TMEM132D: variants seen among roughly 807,000 people sequenced by gnomAD.
The protein encoded by TMEM132D is transmembrane protein 132D.
A neutral mutation model predicts 62.3 loss-of-function variants in TMEM132D; 21 were observed. The ratio of observed to expected loss-of-function variants is 0.34; its 90% CI spans 0.24 to 0.49. The LOEUF is 0.49. Among genes scored for constraint, TMEM132D ranks in the 20% least tolerant of loss-of-function variants. The pLI, the probability that TMEM132D is intolerant of heterozygous loss-of-function variation, is 0.99. For synonymous variants in TMEM132D, 621 were observed against 575.6 expected (o/e 1.08, Z -1.13); for missense variants, 1,346 against 1,402.8 (o/e 0.96, Z 0.65).
chr12:129,217,797 A>G (rs1281593121), intron 4 of TMEM132D, among the ~76,000 whole-genome samples: 1 of 152,252 alleles, frequency 6.6e-6, no homozygotes, highest in African/African-American at 2.4e-5. Flanking sequence ...GATTTGCGTT[A>G]CATATTGAGA....
rs77642078 is a variant in TMEM132D, at chr12:129,445,470, T to G, written c.1115+85589A>C. On this transcript the variant is annotated intron_variant, in intron 3 of 8. Transcript: ENST00000422113. ...ACTCAAAATCAAATTAAGTTAAATT[T>G]TATAAAAAGGTACTAGACTGTAAGC... 1.0e-3 allele frequency among the ~76,000 whole-genome samples: 155 copies of G among 152,270 alleles called. 2 individuals are homozygous for G. In the East Asian group the frequency reaches 0.021, roughly 21 times the overall value.
chr12:129,567,535 T>G (rs1407925002), intron 2 of TMEM132D, among the ~76,000 whole-genome samples: 1 of 152,218 alleles, frequency 6.6e-6, no homozygotes, highest in Non-Finnish European at 1.5e-5. Flanking sequence ...CTAACTATAC[T>G]TCAATAAAAA....
intron 1 of TMEM132D, among the ~76,000 whole-genome samples, chr12:129,792,039 C>T (rs1020000452): frequency 1.3e-5 from 2 of 152,136 alleles, no homozygotes; most frequent in Non-Finnish European, 2.9e-5. Flanking sequence ...TTGGGGGATA[C>T]GTGGATTGAC....
chr12:129,352,727 GTCAGAA>G (rs1333297279), intron 3 of TMEM132D, among the ~76,000 whole-genome samples: 2 of 152,180 alleles, frequency 1.3e-5, no homozygotes, highest in Non-Finnish European at 2.9e-5. Context: ...TCTCATGCCA[GTCAGAA>G]TGGCGATTAT....
At chr12:129,524,757 G>GT (rs1875962162) in intron 3 of TMEM132D, among the ~76,000 whole-genome samples, 1 of 151,542 alleles carries the variant, frequency 6.6e-6, no homozygotes, top group Non-Finnish European at 1.5e-5. Context: ...CCCCAGAAGG[G>GT]TATAAGAGTT....
chr12:129,264,342 T>C (rs2135596988), intron 4 of TMEM132D, among the ~76,000 whole-genome samples: 1 of 152,218 alleles, frequency 6.6e-6, no homozygotes, highest in South Asian at 2.1e-4. Context: ...TGAGCAGAGA[T>C]TGTGCCACTG....
chr12:129,807,492 G>A (rs1309939441), intron 1 of TMEM132D, among the ~76,000 whole-genome samples: 1 of 152,196 alleles, frequency 6.6e-6, no homozygotes, highest in Non-Finnish European at 1.5e-5. Flanking sequence ...TACTAAAATA[G>A]AAATAGGATG....
chr12:129,162,678 C>T (rs986381380), intron 5 of TMEM132D, among the ~76,000 whole-genome samples: 9 of 152,162 alleles, frequency 5.9e-5, no homozygotes, highest in East Asian at 3.9e-4. Flanking sequence ...GGCACCTCCC[C>T]GACTCTCGTT....
At chr12:129,812,159 C>T (rs1872205423) in intron 1 of TMEM132D, among the ~76,000 whole-genome samples, 1 of 151,774 alleles carries the variant, frequency 6.6e-6, no homozygotes, top group African/African-American at 2.4e-5. Flanking sequence ...AATCCTACAA[C>T]CCAAATGCGC....
At chr12:129,385,011 T>G (rs1035239468) in intron 3 of TMEM132D, among the ~76,000 whole-genome samples, 1 of 151,942 alleles carries the variant, frequency 6.6e-6, no homozygotes, top group Middle Eastern at 3.4e-3. Context: ...AATTGTCTAT[T>G]ATAACAAAAC....
At chr12:129,348,020 A>G (rs1305039880) in intron 3 of TMEM132D, among the ~76,000 whole-genome samples, 1 of 152,240 alleles carries the variant, frequency 6.6e-6, no homozygotes, top group Non-Finnish European at 1.5e-5. Flanking sequence ...ATCTCCTGCC[A>G]GTCAGAATGG....
At chr12:129,346,930 C>A (rs74619574) in intron 3 of TMEM132D, among the ~76,000 whole-genome samples, 1 of 152,000 alleles carries the variant, frequency 6.6e-6, no homozygotes, top group Non-Finnish European at 1.5e-5. Flanking sequence ...TGGAGAGAAC[C>A]AAGTCATGAA....
intron 3 of TMEM132D, among the ~76,000 whole-genome samples, chr12:129,502,456 G>A (rs76719395): frequency 1.7e-4 from 26 of 152,198 alleles, no homozygotes; most frequent in East Asian, 5.8e-4. Flanking sequence ...GAAGCCCAGC[G>A]TCAACCAGTT....
At chr12:129,361,290 A>G (rs1870241237) in intron 3 of TMEM132D, among the ~76,000 whole-genome samples, 1 of 152,168 alleles carries the variant, frequency 6.6e-6, no homozygotes, top group Non-Finnish European at 1.5e-5. Flanking sequence ...TTCTGTTTAG[A>G]TCTTTCTAAG....
chr12:129,582,826 T>C (rs935847426), intron 2 of TMEM132D, among the ~76,000 whole-genome samples: 6 of 152,194 alleles, frequency 3.9e-5, no homozygotes, highest in Admixed American at 6.5e-5. Flanking sequence ...GGTTTCACCA[T>C]GTTGGCCAGG....
At chr12:129,310,461 G>A (rs2135634581) in intron 4 of TMEM132D, among the ~76,000 whole-genome samples, 1 of 152,320 alleles carries the variant, frequency 6.6e-6, no homozygotes, top group African/African-American at 2.4e-5. Flanking sequence ...AGCCCAAGGG[G>A]ACCTTGCAGA....
At chr12:129,464,173 G>T (rs1401160101) in intron 3 of TMEM132D, among the ~76,000 whole-genome samples, 1 of 151,172 alleles carries the variant, frequency 6.6e-6, no homozygotes, top group Non-Finnish European at 1.5e-5. Flanking sequence ...CATTCTCACT[G>T]GTGTGAGATG....
Position 129,587,731 on chromosome 12 carries a change from C to T in TMEM132D, c.969-56526G>A, listed in dbSNP as rs944211573. ...ACCATCCCTATTCAATGGGCAGTTT[C>T]CACAAAGGAGCCGTATTTGTGTCAC... is the stretch of plus-strand genomic sequence containing the variant. On this transcript the variant is annotated intron_variant, in intron 2 of 8. Transcript: ENST00000422113. Among the ~76,000 whole-genome samples the T allele has an allele frequency of 2.0e-5, 3 of 152,176 alleles. No homozygotes were observed. The East Asian group carries it at 5.8e-4, about 29-fold the overall frequency.
intron 3 of TMEM132D, among the ~76,000 whole-genome samples, chr12:129,517,002 T>C (rs1188902993): frequency 6.6e-6 from 1 of 152,162 alleles, no homozygotes; most frequent in African/African-American, 2.4e-5. Flanking sequence ...CCTCTGCCTC[T>C]CTCTCCTCTG....
Sources: allele counts gnomAD v4.1 joint callset (sites outside exome capture counted in the v4.1 genomes callset), GRCh38; gene constraint gnomAD v4.1.1; transcripts MANE v1.5; gene names NCBI Gene and HGNC (gene_info 2026-07-23, HGNC 2026-07-21).